The following CDH9 variants were observed in gnomAD, a reference collection of about 807,000 sequenced individuals.
The protein encoded by CDH9 is cadherin 9, also known as cadherin-9.
A neutral mutation model predicts 70.9 loss-of-function variants in CDH9; 28 were observed. The observed-to-expected ratio is 0.40, with a 90% CI of 0.29 to 0.54. The LOEUF (loss-of-function observed/expected upper bound fraction) is 0.54. CDH9 is among the 20% of genes least tolerant of loss of function. CDH9 has a pLI of 0.59. For missense variants in CDH9, 874 were observed against 984.4 expected (o/e 0.89, Z 1.50); for synonymous variants, 409 against 343.1 (o/e 1.19, Z -2.12).
chr5:26,895,458 T>C (rs556172505), intron 7 of CDH9, among the ~76,000 whole-genome samples: 18 of 152,104 alleles, frequency 1.2e-4, no homozygotes, highest in Non-Finnish European at 2.4e-4. Flanking sequence ...GGACATTTTA[T>C]TGAGGCATAA....
intron 1 of CDH9, among the ~76,000 whole-genome samples, chr5:26,988,759 A>G (rs189589431): frequency 3.9e-5 from 6 of 152,194 alleles, no homozygotes; most frequent in African/African-American, 1.4e-4. Context: ...TTATTAACAT[A>G]TACATACGTG....
At chr5:27,006,617 G>T (rs1047703146) in intron 1 of CDH9, among the ~76,000 whole-genome samples, 3 of 152,114 alleles carry the variant, frequency 2.0e-5, no homozygotes, top group Non-Finnish European at 2.9e-5. Context: ...GAGAATTCCT[G>T]CTTTAGTAGC....
chr5:26,924,502 A>G (rs1741301256), intron 2 of CDH9, among the ~76,000 whole-genome samples: 1 of 149,416 alleles, frequency 6.7e-6, no homozygotes, highest in Non-Finnish European at 1.5e-5. Flanking sequence ...AAACTATTTA[A>G]AAAAATAGAG....
chr5:26,911,675 A>G (rs200552776), intron 3 of CDH9, among the ~76,000 whole-genome samples: 11 of 1,724 alleles, frequency 6.4e-3, no homozygotes, highest in African/African-American at 6.5e-3. Flanking sequence ...TGATCACAAG[A>G]AAAAAAAAAG....
intron 2 of CDH9, among the ~76,000 whole-genome samples, chr5:26,945,452 C>T (rs1280844741): frequency 1.3e-5 from 2 of 152,042 alleles, no homozygotes; most frequent in Admixed American, 6.6e-5. Flanking sequence ...TATTGATATA[C>T]ATCTGGCTAT....
chr5:26,888,092 G>GA (rs75285047), intron 9 of CDH9, among the ~76,000 whole-genome samples: 8,980 of 150,592 alleles, frequency 0.06, 303 homozygotes, highest in East Asian at 0.14. Flanking sequence ...ACATTTTTAT[G>GA]AAAAAAAAAT....
At chr5:26,953,029 G>A (rs1003495019) in intron 2 of CDH9, among the ~76,000 whole-genome samples, 3 of 151,854 alleles carry the variant, frequency 2.0e-5, no homozygotes, top group African/African-American at 7.3e-5. Flanking sequence ...GATATTCTAC[G>A]CAGTAGCAGC....
chr5:26,955,972 A>C (rs1273300636), intron 2 of CDH9, among the ~76,000 whole-genome samples: 1 of 152,208 alleles, frequency 6.6e-6, no homozygotes, highest in Non-Finnish European at 1.5e-5. Flanking sequence ...AGTTTCTTCC[A>C]AAACTTACAC....
chr5:27,014,485 A>G (rs549160185), intron 1 of CDH9, among the ~76,000 whole-genome samples: 3 of 152,042 alleles, frequency 2.0e-5, no homozygotes, highest in Admixed American at 6.6e-5. Flanking sequence ...AGCACCCACA[A>G]TGTAACCACT....
chr5:27,004,446 G>C (rs1216785861), intron 1 of CDH9, among the ~76,000 whole-genome samples: 1 of 152,154 alleles, frequency 6.6e-6, no homozygotes, highest in Non-Finnish European at 1.5e-5. Context: ...TGTGGCAGAA[G>C]AGGATCACGA....
In CDH9 at chr5:27,013,193, T is replaced by A. The variant is rs148300232; in HGVS notation, c.-49-24811A>T. On this transcript the variant is annotated intron_variant, in intron 1 of 11. Transcript: ENST00000231021. ...GAATACAAAACTTGAGCATACCCAG[T>A]CAAAAACTGGCACCTAAAGTTTAAC... Among the ~76,000 whole-genome samples the A allele has an allele frequency of 4.4e-3, 664 of 152,042 alleles. 5 individuals are homozygous for A. The highest frequency in any genetic ancestry group is 0.015 in the African/African-American group (633 of 41,530).
Position 26,974,355 on chromosome 5 carries a change from T to TA in CDH9, c.228+13750dup, listed in dbSNP as rs1249373281. Among the ~76,000 whole-genome samples the TA allele has an allele frequency of 3.9e-5, 6 of 152,168 alleles. 1 individual carries two copies. The highest frequency in any genetic ancestry group is 1.9e-4 in the East Asian group (1 of 5,180). On this transcript the variant is annotated intron_variant, in intron 2 of 11. Coordinates refer to ENST00000231021, the MANE Select transcript of CDH9 (RefSeq NM_016279.4). ...AGAAACATGATAGGTGCTTTTTTTT[T>TA]ATCTTTGTAGAATTCCAACAAAGCA... is the stretch of plus-strand genomic sequence containing the variant.
intron 2 of CDH9, among the ~76,000 whole-genome samples, chr5:26,966,107 G>A (rs908192924): frequency 6.6e-6 from 1 of 152,110 alleles, no homozygotes; most frequent in Non-Finnish European, 1.5e-5. Context: ...TTGCTATTGA[G>A]GGAAAGGGAG....
At chr5:26,930,218 T>C (rs1741418200) in intron 2 of CDH9, among the ~76,000 whole-genome samples, 1 of 152,132 alleles carries the variant, frequency 6.6e-6, no homozygotes, top group South Asian at 2.1e-4. Flanking sequence ...GTTTGTTTTT[T>C]TAAAAATTAG....
At chr5:26,883,749 A>G (rs1469824981) in intron 11 of CDH9, among the ~76,000 whole-genome samples, 3 of 150,040 alleles carry the variant, frequency 2.0e-5, no homozygotes, top group South Asian at 2.2e-4. Flanking sequence ...TTAAATCATC[A>G]TTCTGGCTAG....
intron 1 of CDH9, among the ~76,000 whole-genome samples, chr5:27,015,153 C>T (rs909433963): frequency 5.9e-5 from 9 of 151,742 alleles, no homozygotes; most frequent in African/African-American, 1.9e-4. Context: ...AGAATTACTG[C>T]ACAATTGAAG....
chr5:26,926,198 G>A (rs549778534), intron 2 of CDH9, among the ~76,000 whole-genome samples: 5 of 152,178 alleles, frequency 3.3e-5, no homozygotes, highest in East Asian at 1.9e-4. Flanking sequence ...AAACCCCATC[G>A]TCTCAGCCCT....
At chr5:26,883,041 T>TTAGAGAGATATATATATATA (rs1221330777) in intron 11 of CDH9, among the ~76,000 whole-genome samples, 1 of 58,040 alleles carries the variant, frequency 1.7e-5, no homozygotes, top group Non-Finnish European at 3.3e-5. Context: ...CAGGATCATC[T>TTAGAGAGATATATATATATA]TATATATATA....
rs1741501504 is a variant in CDH9, at chr5:26,933,494, A to G, written c.229-17570T>C. On this transcript the variant is annotated intron_variant, in intron 2 of 11. Transcript: ENST00000231021. ...AGCCAGGCTAACTAAAAAAAAAAGA[A>G]GGCAGGGTGCACTGGCTCACGCCTG... 3.3e-5 allele frequency among the ~76,000 whole-genome samples: 5 copies of G among 152,108 alleles called. No individual in the cohort carries two copies. In the South Asian group the frequency reaches 1.0e-3, roughly 32 times the overall value.
Sources: allele counts gnomAD v4.1 joint callset (sites outside exome capture counted in the v4.1 genomes callset), GRCh38; gene constraint gnomAD v4.1.1; transcripts MANE v1.5; gene names NCBI Gene and HGNC (gene_info 2026-07-23, HGNC 2026-07-21).